Variants in PGC observed in about 807,000 individuals in gnomAD.
PGC encodes the protein gastricsin.
A neutral mutation model predicts 45.9 loss-of-function variants in PGC; 31 were observed. The observed-to-expected ratio is 0.67, with a 90% CI of 0.51 to 0.91. The LOEUF is 0.91. Ranked by LOEUF, PGC falls within the 40% of genes least tolerant of loss-of-function variation. PGC has a pLI of 0.00. For synonymous variants in PGC, 192 were observed against 201.8 expected (o/e 0.95, Z 0.41); for missense variants, 477 against 493.2 (o/e 0.97, Z 0.31).
intron 1 of PGC, among the ~76,000 whole-genome samples, chr6:41,745,565 T>TTTTG (rs1301740563): frequency 6.6e-6 from 1 of 150,812 alleles, no homozygotes. Flanking sequence ...TTTTTTTTTT[T>TTTTG]TGAGACAGAG....
At chr6:41,738,134 A>ATATATATACG (rs1411283814) in intron 7 of PGC, among the ~76,000 whole-genome samples, 3 of 64,140 alleles carry the variant, frequency 4.7e-5, no homozygotes, top group African/African-American at 1.9e-4. Context: ...ATATATATGC[A>ATATATATACG]TATATATATG....
intron 5 of PGC, among the ~76,000 whole-genome samples, chr6:41,742,070 GGA>G (rs1410136951): frequency 4.6e-5 from 7 of 152,152 alleles, no homozygotes; most frequent in Admixed American, 2.6e-4. Context: ...AAGACAAGTC[GGA>G]GGGGACTGGG....
intron 4 of PGC, 118 bp from the exon 5 acceptor site, chr6:41,742,607 T>G: frequency 1.4e-6 from 1 of 736,768 alleles, no homozygotes; most frequent in South Asian, 1.7e-5. Context: ...CCCCTTCTTT[T>G]TTGTTTTGGT....
At position 41,745,548 on chromosome 6, in the gene PGC, A is replaced by ACTT. The variant is rs757004562; in HGVS notation, c.60-741_60-740insAAG. On this transcript the variant is annotated intron_variant, in intron 1 of 8. Transcript: ENST00000373025. ...CCACCGCACCTGGCCCAGGATATGT[A>ACTT]GTTTTTTTTTTTTTTTTTGAGACAG... Among the ~76,000 whole-genome samples, 173 of 138,700 alleles carry ACTT rather than the reference A, an allele frequency of 1.2e-3. 4 individuals carry two copies. The highest frequency in any genetic ancestry group is 8.6e-3 in the Middle Eastern group (2 of 232). The allele number at this position is 138,700 out of a possible 152,430, so 91.0% of individuals were successfully genotyped here.
chr6:41,744,709 C>A lies in PGC; in HGVS notation c.159G>T (p.Lys53Asn). ...LRTHKYDPAWKYRFGDLSVTY... is the reference protein window; with the variant it reads ...LRTHKYDPAWNYRFGDLSVTY... The stretch of plus-strand genomic sequence containing the variant: ...TCACGCTGAGGTCACCAAAGCGGTA[C>A]TTCCAAGCAGGATCATACTTGTGGG... Residue 53 changes from lysine to asparagine, a missense_variant, in exon 2 of 9, where the codon AAG (lysine) becomes AAT (asparagine). Transcript: ENST00000373025. The surrounding 1 kb of genome is among the most constrained non-coding windows in gnomAD (Gnocchi z 4.4). The A allele has an allele frequency of 6.2e-7, 1 of 1,614,170 alleles. No individual in the cohort carries two copies. The highest frequency in any genetic ancestry group is 8.5e-7 in the Non-Finnish European group (1 of 1,180,004).
chr6:41,744,642 A>T lies in PGC; in HGVS notation c.210+16T>A. 1 of 1,613,402 alleles carries T rather than the reference A, an allele frequency of 6.2e-7. No homozygotes were observed. Among genetic ancestry groups the T allele is most frequent in the Non-Finnish European group, 8.5e-7 (1 of 1,179,492 alleles). ...CACCAGAGAGAAGGCTACCGCCAGA[A>T]AGGGTCAGGACTCACATCCATGTAG... On this transcript the variant is annotated intron_variant, in intron 2 of 8. Transcript: ENST00000373025. The surrounding 1 kb of genome is among the most constrained non-coding windows in gnomAD (Gnocchi z 4.4).
chr6:41,739,567 T>G (rs985649807), intron 7 of PGC, among the ~76,000 whole-genome samples: 1 of 152,100 alleles, frequency 6.6e-6, no homozygotes, highest in Non-Finnish European at 1.5e-5. Flanking sequence ...TACAGGCGCA[T>G]GCCACCGCAC....
Position 41,744,490 on chromosome 6 carries a change from T to C in PGC, c.235A>G (p.Ile79Val), listed in dbSNP as rs780532735. 5 of 1,613,898 alleles carry C rather than the reference T, an allele frequency of 3.1e-6. No homozygotes were observed. The South Asian group carries it at 5.5e-5, about 18-fold the overall frequency. The change falls in exon 3 of 9, where the codon ATC (isoleucine) becomes GTC (valine). Residue 79 changes from isoleucine to valine, a missense_variant. Transcript: ENST00000373025. The surrounding 1 kb of genome is among the most constrained non-coding windows in gnomAD (Gnocchi z 4.4). ...AGGAAGTTCTGGGGTGGAGTCCCGATGCTGATCTCACCAAAGTAGGCAGCC... is the reference window on the plus strand; with the variant it reads ...AGGAAGTTCTGGGGTGGAGTCCCGACGCTGATCTCACCAAAGTAGGCAGCC... Reference protein sequence around the residue: ...MDAAYFGEISIGTPPQNFLVL... With the variant: ...MDAAYFGEISVGTPPQNFLVL...
At chr6:41,740,861 C>G in intron 5 of PGC, 1 of 1,431,860 alleles carries the variant, frequency 7.0e-7, no homozygotes, top group Non-Finnish European at 9.1e-7. Context: ...GTGTCTCCCT[C>G]AGACTGGGGC....
chr6:41,742,727 C>A (rs1189922571), intron 4 of PGC, among the ~76,000 whole-genome samples: 1 of 152,194 alleles, frequency 6.6e-6, no homozygotes, highest in South Asian at 2.1e-4. Flanking sequence ...CTGGTTCTAG[C>A]GATTCTCCTG....
At chr6:41,737,534 G>A (rs1028032856) in intron 8 of PGC, among the ~76,000 whole-genome samples, 196 bp downstream of exon 8, 1 of 152,206 alleles carries the variant, frequency 6.6e-6, no homozygotes, top group African/African-American at 2.4e-5. Flanking sequence ...AATAATAATT[G>A]ATCATAGATG....
chr6:41,737,682 C>T, intron 8 of PGC, 48 bp downstream of exon 8: 1 of 1,189,264 alleles, frequency 8.4e-7, no homozygotes, highest in South Asian at 1.2e-5. Context: ...CCAGCCCTTC[C>T]TCCCAACCCC....
Position 41,744,248 on chromosome 6 carries a change from G to C in PGC, c.328+149C>G. On this transcript the variant is annotated intron_variant, in intron 3 of 8. Coordinates refer to ENST00000373025, the MANE Select transcript of PGC (RefSeq NM_002630.4). This position sits in a 1 kb window ranked among gnomAD's most constrained non-coding sequence, Gnocchi z 4.4. ...GACCAGCATCTTTCCTCTGGCTTGG[G>C]CATGCTGTGTGGCCCTGCACATGTC... 1 of 569,650 alleles carries C rather than the reference G, an allele frequency of 1.8e-6. No homozygotes were observed. The highest frequency in any genetic ancestry group is 3.2e-6 in the Non-Finnish European group (1 of 315,936). 35.3% of individuals were successfully genotyped at this position (569,650 alleles called of 1,614,324 possible).
rs755804316 is a variant in PGC at position 41,736,893 on chromosome 6, C to T, written c.1126G>A (p.Asp376Asn). Residue 376 changes from aspartate (D) to asparagine (N), a missense_variant, in exon 9 of 9, where the codon GAC (aspartate) becomes AAC (asparagine). By Grantham distance (23) the Asp-to-Asn change is conservative (BLOSUM62 1). Transcript: ENST00000373025. ...VFLRSYYSVYDLGNNRVGFAT... is the reference protein window; with the variant it reads ...VFLRSYYSVYNLGNNRVGFAT... ...AAGCCTACTCTGTTGTTGCCCAAGTCGTAGACGGAATAGTAGGACCTGAGG... is the reference window on the plus strand; with the variant it reads ...AAGCCTACTCTGTTGTTGCCCAAGTTGTAGACGGAATAGTAGGACCTGAGG... 2.3e-5 allele frequency: 37 copies of T among 1,613,978 alleles called. No homozygotes were observed. The highest frequency in any genetic ancestry group is 1.6e-4 in the Middle Eastern group (1 of 6,084).
chr6:41,740,064 C>T, intron 6 of PGC, 118 bp from the exon 7 acceptor site: 2 of 840,656 alleles, frequency 2.4e-6, no homozygotes, highest in Non-Finnish European at 3.7e-6. Context: ...AAAGTGAGGA[C>T]CCTGCAAAGA....
intron 3 of PGC, 53 bp from the exon 4 acceptor site, chr6:41,743,442 A>G (rs1360260036): frequency 2.7e-6 from 3 of 1,111,918 alleles, no homozygotes; most frequent in African/African-American, 1.5e-5. Context: ...AGGGCTGCTC[A>G]GCTCTCAGGC....
In PGC at chr6:41,742,352, A is replaced by G. The variant is rs1053814171; in HGVS notation, c.585T>C (p.Ala195=). ...PALSVDEATT[A]MQGMVQEGAL... is the part of the protein sequence containing the mutation. ...CGCCCTCCTGCACCATGCCCTGCAT[A>G]GCTGTGGTGGCCTCATCCACGGACA... Residue 195 remains alanine, a synonymous_variant, in exon 5 of 9, where the codon GCT becomes GCC. Transcript: ENST00000373025. 6.2e-7 allele frequency: 1 copy of G among 1,614,172 alleles called. No homozygotes were observed. The highest frequency in any genetic ancestry group is 8.5e-7 in the Non-Finnish European group (1 of 1,180,028).
intron 5 of PGC, 48 bp from the exon 6 acceptor site, chr6:41,740,658 G>C: frequency 1.3e-6 from 2 of 1,551,750 alleles, no homozygotes; most frequent in Non-Finnish European, 1.7e-6. Flanking sequence ...CATGGAAAAG[G>C]ACTTTCCTCC....
chr6:41,740,960 G>C (rs1771811079), intron 5 of PGC: 1 of 1,511,494 alleles, frequency 6.6e-7, no homozygotes. Flanking sequence ...GCCAGGCCTT[G>C]GAATTCCCAG....
Sources: allele counts gnomAD v4.1 joint callset (sites outside exome capture counted in the v4.1 genomes callset), GRCh38; gene constraint gnomAD v4.1.1; non-coding constraint Gnocchi (gnomAD v3.1); transcripts MANE v1.5; gene names NCBI Gene and HGNC (gene_info 2026-07-23, HGNC 2026-07-21).